The following KIF26B variants were observed in gnomAD, a reference collection of about 807,000 sequenced individuals.
The protein encoded by KIF26B is kinesin-like protein KIF26B.
In KIF26B, 63 loss-of-function variants were observed where a neutral mutation model predicts 151.2. The observed-to-expected ratio is 0.42, with a 90% CI of 0.34 to 0.51. The LOEUF is 0.51. Among genes scored for constraint, KIF26B ranks in the 20% least tolerant of loss-of-function variants. KIF26B has a pLI of 0.07. For synonymous variants in KIF26B, 1,357 were observed against 1,262.1 expected, an observed-to-expected ratio of 1.08 and a Z score of -1.59; for missense variants, 2,813 against 2,913.6, an observed-to-expected ratio of 0.97 and a Z score of 0.79.
At chr1:245,359,391 G>A (rs1400652327) in intron 2 of KIF26B, among the ~76,000 whole-genome samples, 2 of 152,108 alleles carry the variant, frequency 1.3e-5, no homozygotes, top group Admixed American at 6.6e-5. Context: ...TAGTTGATGG[G>A]TCTGTGATTC....
intron 10 of KIF26B, among the ~76,000 whole-genome samples, chr1:245,678,959 T>C (rs2044392559): frequency 6.6e-6 from 1 of 152,128 alleles, no homozygotes; most frequent in Non-Finnish European, 1.5e-5. Flanking sequence ...ACAGTTCATG[T>C]GCCTGTTTCC....
intron 2 of KIF26B, among the ~76,000 whole-genome samples, chr1:245,265,847 G>A (rs2365079): frequency 0.47 from 70,946 of 151,858 alleles, 18,170 homozygotes; most frequent in African/African-American, 0.68. Flanking sequence ...AGCTCAAGCC[G>A]TCTGCCTGCC....
chr1:245,642,358 C>T (rs1322884868), intron 9 of KIF26B, among the ~76,000 whole-genome samples: 2 of 152,040 alleles, frequency 1.3e-5, no homozygotes, highest in African/African-American at 4.8e-5. Flanking sequence ...GGAGTAGTTT[C>T]TTGCCCATAA....
chr1:245,341,916 C>T (rs1256175895), intron 2 of KIF26B, among the ~76,000 whole-genome samples: 4 of 152,210 alleles, frequency 2.6e-5, no homozygotes, highest in African/African-American at 9.7e-5. Flanking sequence ...GCCCATCTCC[C>T]TCCCCCTTAA....
At chr1:245,162,079 G>T (rs1668540699) in intron 2 of KIF26B, among the ~76,000 whole-genome samples, 1 of 152,224 alleles carries the variant, frequency 6.6e-6, no homozygotes, top group African/African-American at 2.4e-5. Context: ...CTGACCTTCT[G>T]CGAGGAAGAG....
At chr1:245,443,242 C>T (rs984139258) in intron 4 of KIF26B, among the ~76,000 whole-genome samples, 1 of 150,930 alleles carries the variant, frequency 6.6e-6, no homozygotes, top group Non-Finnish European at 1.5e-5. Flanking sequence ...GGTCATCTCC[C>T]TCACTGTTCA....
rs5782329 is a variant in KIF26B, at chr1:245,252,276, C to CAA, written c.465+95609_465+95610dup. The stretch of plus-strand genomic sequence containing the variant: ...GGGCAACAGGAGTGAGACCTTGTCT[C>CAA]AAAAAAAAAAAAAAAAAGAAAAAAG... On this transcript the variant is annotated intron_variant, in intron 2 of 14. Coordinates refer to ENST00000407071, the MANE Select transcript of KIF26B (RefSeq NM_018012.4). 5.6e-3 allele frequency among the ~76,000 whole-genome samples: 634 copies of CAA among 113,738 alleles called. 11 individuals carry two copies. The East Asian group carries it at 0.088, about 16-fold the overall frequency. The allele number at this position is 113,738 out of a possible 152,430, so 74.6% of individuals were successfully genotyped here.
At chr1:245,336,089 C>G (rs1312694069) in intron 2 of KIF26B, among the ~76,000 whole-genome samples, 2 of 142,620 alleles carry the variant, frequency 1.4e-5, no homozygotes, top group Non-Finnish European at 3.0e-5. Flanking sequence ...AGGAGGGTCC[C>G]ACGCAGGGAA....
At position 245,640,157 on chromosome 1, in the gene KIF26B, A is replaced by C. The variant is rs1185679921; in HGVS notation, c.2099-5964A>C. Among the ~76,000 whole-genome samples, 68 of 26,096 alleles carry C rather than the reference A, an allele frequency of 2.6e-3. 4 individuals are homozygous for C. The highest frequency in any genetic ancestry group is 0.014 in the Middle Eastern group (1 of 72). 17.1% of individuals were successfully genotyped at this position (26,096 alleles called of 152,430 possible). A position where few individuals can be genotyped will look rare whatever the true frequency, so the allele number is the denominator to read the frequency against. On this transcript the variant is annotated intron_variant, in intron 9 of 14. Coordinates refer to ENST00000407071, the MANE Select transcript of KIF26B (RefSeq NM_018012.4). ...TCTCTCTCTCTCTATATATATATATATATACCCTGCTATTTGGTTATATAT... is the reference window on the plus strand; with the variant it reads ...TCTCTCTCTCTCTATATATATATATCTATACCCTGCTATTTGGTTATATAT...
chr1:245,169,371 GC>G (rs1168675847), intron 2 of KIF26B, among the ~76,000 whole-genome samples: 2 of 151,916 alleles, frequency 1.3e-5, no homozygotes, highest in African/African-American at 4.8e-5. Flanking sequence ...GTGCGCGCAA[GC>G]ACTTTGTGGA....
chr1:245,420,272 T>C (rs1390542606), intron 4 of KIF26B, among the ~76,000 whole-genome samples: 1 of 152,172 alleles, frequency 6.6e-6, no homozygotes, highest in Non-Finnish European at 1.5e-5. Context: ...CTTGGGAACT[T>C]CAAAAATACA....
At chr1:245,390,943 A>AAAAAAAAAAAAAAAAAAAAAAAC (rs1553270131) in intron 3 of KIF26B, among the ~76,000 whole-genome samples, 1 of 118,412 alleles carries the variant, frequency 8.4e-6, no homozygotes, top group African/African-American at 4.1e-5. Context: ...AAAAAAAAAA[A>AAAAAAAAAAAAAAAAAAAAAAAC]AAAAAAAAAC....
At chr1:245,442,548 T>C (rs981030553) in intron 4 of KIF26B, among the ~76,000 whole-genome samples, 3 of 152,130 alleles carry the variant, frequency 2.0e-5, no homozygotes, top group African/African-American at 7.2e-5. Context: ...AGATGAGTCC[T>C]TTCTCAGGCA....
rs551645851 is a variant in KIF26B at position 245,535,082 on chromosome 1, C to T, written c.1167-5685C>T. 9.9e-5 allele frequency among the ~76,000 whole-genome samples: 15 copies of T among 152,248 alleles called. No homozygotes were observed. The South Asian group carries it at 2.1e-3, about 21-fold the overall frequency. Reference sequence around the variant, plus strand: ...ACAGGCGTGAGCCACTGCACCTGGCCGTCTTTACCTTTTCAATTCTCTCAT... The same window carrying T: ...ACAGGCGTGAGCCACTGCACCTGGCTGTCTTTACCTTTTCAATTCTCTCAT... On this transcript the variant is annotated intron_variant, in intron 4 of 14. Transcript: ENST00000407071.
At chr1:245,640,436 A>G (rs1010737449) in intron 9 of KIF26B, among the ~76,000 whole-genome samples, 57 of 151,814 alleles carry the variant, frequency 3.8e-4, no homozygotes, top group African/African-American at 1.4e-3. Flanking sequence ...TGTAGGCAAC[A>G]TATACTTGGG....
At chr1:245,296,900 G>A (rs565099975) in intron 2 of KIF26B, among the ~76,000 whole-genome samples, 7 of 152,208 alleles carry the variant, frequency 4.6e-5, no homozygotes, top group Admixed American at 4.6e-4. Context: ...TTTATGTCCC[G>A]ACTTTTTAGC....
At chr1:245,590,477 C>T (rs2103135902) in intron 5 of KIF26B, among the ~76,000 whole-genome samples, 1 of 152,364 alleles carries the variant, frequency 6.6e-6, no homozygotes, top group Middle Eastern at 3.4e-3. Flanking sequence ...TGGATATTTA[C>T]CATTTCTACT....
At chr1:245,186,534 T>C (rs192038223) in intron 2 of KIF26B, among the ~76,000 whole-genome samples, 1 of 152,188 alleles carries the variant, frequency 6.6e-6, no homozygotes, top group Non-Finnish European at 1.5e-5. Flanking sequence ...TCTGAGAAAG[T>C]GAGCTTGAAA....
rs76023252 is a variant in KIF26B at position 245,359,465 on chromosome 1, C to T, written c.466-7369C>T. ...CACTCTTGTGGGAGAAATGAGGAAG[C>T]GTTTTCAGTAGGCTGTTAGAGTGAG... is the stretch of plus-strand genomic sequence containing the variant. On this transcript the variant is annotated intron_variant, in intron 2 of 14. Transcript: ENST00000407071. Among the ~76,000 whole-genome samples, 602 of 152,240 alleles carry T rather than the reference C, an allele frequency of 4.0e-3. 3 individuals are homozygous for T. Among genetic ancestry groups the T allele is most frequent in the African/African-American group, 0.014 (575 of 41,538 alleles).
Sources: allele counts gnomAD v4.1 joint callset (sites outside exome capture counted in the v4.1 genomes callset), GRCh38; gene constraint gnomAD v4.1.1; transcripts MANE v1.5; gene names NCBI Gene and HGNC (gene_info 2026-07-23, HGNC 2026-07-21).